ABCA13: variants seen among roughly 807,000 people sequenced by gnomAD.
ABCA13 encodes ATP binding cassette subfamily A member 13.
Under a neutral mutation model 478.7 loss-of-function variants are expected in ABCA13, and 476 were observed. The ratio of observed to expected loss-of-function variants is 0.99; its 90% CI spans 0.92 to 1.07. The LOEUF (loss-of-function observed/expected upper bound fraction) is 1.07. Ranked by LOEUF, ABCA13 falls within the 50% of genes least tolerant of loss-of-function variation. The pLI is 0.00. For synonymous variants in ABCA13, 2,252 were observed against 2,158.9 expected, an observed-to-expected ratio of 1.04 and a Z score of -1.20; for missense variants, 6,060 against 5,910.6, an observed-to-expected ratio of 1.03 and a Z score of -0.83.
In ABCA13 at chr7:48,591,528, T is replaced by C. The variant is rs530663037; in HGVS notation, c.14641-3182T>C. ...TTTCAGTGAAAAAATGACAATGGAATTGTAGGAATAGCACTGAGTCTGTAG... is the reference window on the plus strand; with the variant it reads ...TTTCAGTGAAAAAATGACAATGGAACTGTAGGAATAGCACTGAGTCTGTAG... On this transcript the variant is annotated intron_variant, in intron 57 of 61. Coordinates refer to ENST00000435803, the MANE Select transcript of ABCA13 (RefSeq NM_152701.5). Among the ~76,000 whole-genome samples the C allele has an allele frequency of 4.6e-5, 7 of 152,106 alleles. No homozygotes were observed. In the South Asian group the frequency reaches 1.5e-3, roughly 32 times the overall value.
chr7:48,448,857 AT>A, intron 42 of ABCA13, among the ~76,000 whole-genome samples: 1 of 152,122 alleles, frequency 6.6e-6, no homozygotes. Flanking sequence ...TTATTTATTT[AT>A]TTGAGACAGA....
At chr7:48,530,499 G>C (rs1302280524) in intron 55 of ABCA13, among the ~76,000 whole-genome samples, 1 of 151,990 alleles carries the variant, frequency 6.6e-6, no homozygotes, top group Non-Finnish European at 1.5e-5. Flanking sequence ...CCTTTGGGTA[G>C]ATACCTAGTA....
intron 56 of ABCA13, among the ~76,000 whole-genome samples, chr7:48,583,884 C>T (rs577278593): frequency 2.0e-5 from 3 of 152,188 alleles, no homozygotes. Flanking sequence ...ATTCAGAAAA[C>T]ATTGGATCAA....
intron 46 of ABCA13, among the ~76,000 whole-genome samples, chr7:48,482,480 C>CGATT (rs1828874595): frequency 6.6e-6 from 1 of 151,992 alleles, no homozygotes; most frequent in African/African-American, 2.4e-5. Flanking sequence ...CAGGTTCAAG[C>CGATT]GATTCTCTTG....
Position 48,240,933 on chromosome 7 carries a change from G to C in ABCA13, c.1129G>C (p.Glu377Gln). 1.2e-6 allele frequency: 2 copies of C among 1,613,286 alleles called. No homozygotes were observed. The highest frequency in any genetic ancestry group is 2.7e-5 in the African/African-American group (2 of 75,044). ...KTLTGMGHSL[E>Q]ALRNQFEEES... ...ACTCACAGGCATGGGCCATAGTCTG[G>C]AGGCTCTCAGGAATCAGTTTGAAGA... Residue 377 changes from glutamate to glutamine, a missense_variant, in exon 10 of 62, where the codon GAG (glutamate) becomes CAG (glutamine). By Grantham distance (29) the Glu-to-Gln change is conservative (BLOSUM62 2). Coordinates refer to ENST00000435803, the MANE Select transcript of ABCA13 (RefSeq NM_152701.5).
In ABCA13 at chr7:48,550,203, A is replaced by G. The variant is rs1188015031; in HGVS notation, c.14354+21858A>G. Among the ~76,000 whole-genome samples, 2 of 151,770 alleles carry G rather than the reference A, an allele frequency of 1.3e-5. 1 individual carries two copies. Among genetic ancestry groups the G allele is most frequent in the Admixed American group, 1.3e-4 (2 of 15,200 alleles). ...ACAAAGTAGCTGAATATTTATTTTT[A>G]TAGAAAATTCTGCGTTTCATATATT... On this transcript the variant is annotated intron_variant, in intron 55 of 61. Coordinates refer to ENST00000435803, the MANE Select transcript of ABCA13 (RefSeq NM_152701.5).
intron 27 of ABCA13, among the ~76,000 whole-genome samples, chr7:48,331,072 ATAAC>A (rs1235512581): frequency 2.0e-5 from 3 of 152,218 alleles, no homozygotes; most frequent in Non-Finnish European, 2.9e-5. Flanking sequence ...AGAGGGTGAT[ATAAC>A]TAAGAAAATA....
Position 48,489,460 on chromosome 7 carries a change from A to G in ABCA13, c.13291+116A>G, listed in dbSNP as rs1018976219. On this transcript the variant is annotated intron_variant, in intron 48 of 61. Coordinates refer to ENST00000435803, the MANE Select transcript of ABCA13 (RefSeq NM_152701.5). ...TGTGAGGGGCAATGAGAAGGTTTCT[A>G]CTTGGCAACCAATCCGTGTCTAAAC... The G allele has an allele frequency of 1.2e-5, 10 of 858,766 alleles. No homozygotes were observed. In the African/African-American group the frequency reaches 1.6e-4, roughly 13 times the overall value. The allele number at this position is 858,766 out of a possible 1,614,324, so 53.2% of individuals were successfully genotyped here.
At chr7:48,447,225 A>G (rs1041775359) in intron 42 of ABCA13, among the ~76,000 whole-genome samples, 10 of 152,166 alleles carry the variant, frequency 6.6e-5, no homozygotes, top group African/African-American at 2.4e-4. Context: ...TCACTAACAT[A>G]TCTACCTCCA....
intron 27 of ABCA13, among the ~76,000 whole-genome samples, chr7:48,333,428 C>T (rs1805716034): frequency 6.6e-6 from 1 of 152,110 alleles, no homozygotes; most frequent in South Asian, 2.1e-4. Context: ...ATTCCAATAT[C>T]TGATGTGTCT....
intron 31 of ABCA13, among the ~76,000 whole-genome samples, chr7:48,366,900 T>C (rs1210910339): frequency 6.6e-6 from 1 of 152,110 alleles, no homozygotes; most frequent in East Asian, 1.9e-4. Flanking sequence ...TTATGTCCCC[T>C]CCCACCTTGC....
At chr7:48,639,264 C>T (rs1253512968) in intron 59 of ABCA13, among the ~76,000 whole-genome samples, 1 of 152,184 alleles carries the variant, frequency 6.6e-6, no homozygotes, top group Non-Finnish European at 1.5e-5. Context: ...GCTGTTTGCT[C>T]AGCCACCCTT....
intron 2 of ABCA13, 23 bp downstream of exon 2, chr7:48,193,075 CT>C: frequency 6.8e-7 from 1 of 1,481,250 alleles, no homozygotes; most frequent in Non-Finnish European, 9.0e-7. Flanking sequence ...TTTTAATATA[CT>C]TTTTGAATTA....
At chr7:48,199,283 A>G (rs939666144) in intron 3 of ABCA13, among the ~76,000 whole-genome samples, 27 of 152,236 alleles carry the variant, frequency 1.8e-4, no homozygotes, top group African/African-American at 6.3e-4. Context: ...ATAATGAAAT[A>G]CCATAAACTG....
chr7:48,430,143 C>T (rs1466816305), intron 42 of ABCA13, among the ~76,000 whole-genome samples: 2 of 152,012 alleles, frequency 1.3e-5, no homozygotes, highest in African/African-American at 2.4e-5. Context: ...GTGGAATTCA[C>T]CAGTGAAGGC....
chr7:48,193,635 A>G (rs1164739605), intron 2 of ABCA13, among the ~76,000 whole-genome samples: 8 of 145,424 alleles, frequency 5.5e-5, no homozygotes, highest in Non-Finnish European at 1.2e-4. Flanking sequence ...TGATGTAGAT[A>G]ATAGTAACTA....
chr7:48,524,312 A>C lies in ABCA13; in HGVS notation c.14116A>C (p.Lys4706Gln), dbSNP rs766416556. ...GGATACAGATGTTGAAAAAGAGGAA[A>C]AGAGAGTGTTTGAAGGAAGGACCAA... ...SKDTDVEKEEKRVFEGRTNGD... is the reference protein window; with the variant it reads ...SKDTDVEKEEQRVFEGRTNGD... Residue 4706 changes from lysine (K) to glutamine (Q), a missense_variant, in exon 54 of 62, where the codon AAG becomes CAG. Coordinates refer to ENST00000435803, the MANE Select transcript of ABCA13 (RefSeq NM_152701.5). 19 of 1,613,060 alleles carry C rather than the reference A, an allele frequency of 1.2e-5. No individual in the cohort carries two copies. Among genetic ancestry groups the C allele is most frequent in the Non-Finnish European group, 1.5e-5 (18 of 1,179,560 alleles).
At chr7:48,417,228 G>C (rs910796512) in intron 41 of ABCA13, among the ~76,000 whole-genome samples, 3 of 152,148 alleles carry the variant, frequency 2.0e-5, no homozygotes, top group African/African-American at 7.2e-5. Context: ...ATCTGTGACG[G>C]GGTCAAATGA....
intron 55 of ABCA13, among the ~76,000 whole-genome samples, chr7:48,566,774 C>A (rs1311093438): frequency 6.6e-6 from 1 of 152,120 alleles, no homozygotes; most frequent in Admixed American, 6.6e-5. Flanking sequence ...CCAAAATTCA[C>A]ATAAAGAAAT....
Sources: gnomAD v4.1 joint callset for allele counts (sites outside exome capture counted in the v4.1 genomes callset) on GRCh38, gnomAD v4.1.1 for gene constraint, MANE v1.5 for transcripts, NCBI Gene and HGNC (gene_info 2026-07-23, HGNC 2026-07-21) for gene names.